LAMA2: variants seen among roughly 807,000 people sequenced by gnomAD.
The protein encoded by LAMA2 is laminin subunit alpha-2.
In LAMA2, 269 loss-of-function variants were observed where a neutral mutation model predicts 364.8. The observed-to-expected ratio is 0.74, with a 90% CI of 0.67 to 0.82. The LOEUF is 0.82. LAMA2 is among the 40% of genes least tolerant of loss of function. The pLI is 0.00. For missense variants in LAMA2, 3,807 were observed against 3,873.2 expected (o/e 0.98, Z 0.45); for synonymous variants, 1,379 against 1,370.6 (o/e 1.01, Z -0.14).
At chr6:129,064,477 G>A (rs1405924762) in intron 3 of LAMA2, among the ~76,000 whole-genome samples, 9 of 151,766 alleles carry the variant, frequency 5.9e-5, no homozygotes, top group African/African-American at 2.2e-4. Context: ...AGAGACTAGG[G>A]AAACAATGGA....
At chr6:129,102,373 G>C (rs975385967) in intron 4 of LAMA2, among the ~76,000 whole-genome samples, 1 of 151,904 alleles carries the variant, frequency 6.6e-6, no homozygotes, top group Admixed American at 6.5e-5. Flanking sequence ...TTGACCTCAT[G>C]ATCTGCCCAC....
rs117204407 is a variant in LAMA2, at chr6:129,395,853, G to A, written c.5445+2598G>A. 4.3e-3 allele frequency among the ~76,000 whole-genome samples: 657 copies of A among 152,292 alleles called. 4 individuals are homozygous for A. The highest frequency in any genetic ancestry group is 0.01 in the Middle Eastern group (3 of 294). ...TGGGAAAAACATATACAAAGGCATG[G>A]AGGAAAGAAAATGACATTTTGGGGG... On this transcript the variant is annotated intron_variant, in intron 37 of 64. Coordinates refer to ENST00000421865, the MANE Select transcript of LAMA2 (RefSeq NM_000426.4).
At chr6:129,315,266 G>C (rs1282163408) in intron 24 of LAMA2, among the ~76,000 whole-genome samples, 1 of 152,174 alleles carries the variant, frequency 6.6e-6, no homozygotes, top group Admixed American at 6.5e-5. Flanking sequence ...AGGCTCCAGT[G>C]TCCACAGATA....
intron 17 of LAMA2, among the ~76,000 whole-genome samples, chr6:129,273,258 A>G (rs541474528): frequency 6.6e-4 from 101 of 152,306 alleles, no homozygotes; most frequent in African/African-American, 2.4e-3. Flanking sequence ...CTTGTTTGCC[A>G]TGGCTGAATG....
intron 42 of LAMA2, among the ~76,000 whole-genome samples, chr6:129,440,365 T>C (rs1782045743): frequency 6.6e-6 from 1 of 152,048 alleles, no homozygotes; most frequent in East Asian, 1.9e-4. Flanking sequence ...AAAACAAGTA[T>C]AAATGCATGG....
chr6:129,147,668 C>T (rs1462593614), intron 6 of LAMA2, among the ~76,000 whole-genome samples: 1 of 151,910 alleles, frequency 6.6e-6, no homozygotes, highest in African/African-American at 2.4e-5. Context: ...CATAGACAAA[C>T]TGGTGAAATT....
chr6:129,438,894 A>G (rs544424229), intron 42 of LAMA2, 132 bp downstream of exon 42: 1 of 681,286 alleles, frequency 1.5e-6, no homozygotes, highest in Admixed American at 2.1e-5. Context: ...TTTCTTACTC[A>G]TGAATTCTTC....
At chr6:129,075,648 G>A (rs1438202151) in intron 3 of LAMA2, among the ~76,000 whole-genome samples, 1 of 152,104 alleles carries the variant, frequency 6.6e-6, no homozygotes, top group African/African-American at 2.4e-5. Flanking sequence ...AATTGATGGT[G>A]GAACAAATGT....
chr6:129,402,410 C>G lies in LAMA2; in HGVS notation c.5649C>G (p.Asp1883Glu). ...ATGACCTCTCCCAAGAAATAAAGGA[C>G]AGGAAGCTTGCTGAGAAGGTGTCCC... is the stretch of plus-strand genomic sequence containing the variant. ...KIDDLSQEIKDRKLAEKVSQA... is the reference protein window; with the variant it reads ...KIDDLSQEIKERKLAEKVSQA... The change falls in exon 39 of 65, where the codon GAC (aspartate) becomes GAG (glutamate). Residue 1883 changes from aspartate (D) to glutamate (E), a missense_variant. This residue lies in a region of LAMA2 where 3,333 missense variants were observed against 3,345.7 expected (regional missense o/e 1.00). Coordinates refer to ENST00000421865, the MANE Select transcript of LAMA2 (RefSeq NM_000426.4). The G allele has an allele frequency of 6.2e-7, 1 of 1,614,020 alleles. No homozygotes were observed. Among genetic ancestry groups the G allele is most frequent in the South Asian group, 1.1e-5 (1 of 91,074 alleles).
At chr6:129,269,364 C>CT (rs370461121) in intron 16 of LAMA2, among the ~76,000 whole-genome samples, 103,784 of 144,662 alleles carry the variant, frequency 0.72, 39,556 homozygotes, top group East Asian at 0.88. Flanking sequence ...AAGCTTCCAT[C>CT]TTTTTTTTTT....
chr6:129,117,900 T>C (rs1776568589), intron 4 of LAMA2, among the ~76,000 whole-genome samples: 1 of 152,208 alleles, frequency 6.6e-6, no homozygotes, highest in Admixed American at 6.5e-5. Flanking sequence ...GATGGTATAG[T>C]CTGCGTGCTC....
chr6:129,084,571 A>G (rs1285363826), intron 3 of LAMA2, among the ~76,000 whole-genome samples: 5 of 152,172 alleles, frequency 3.3e-5, no homozygotes, highest in Non-Finnish European at 4.4e-5. Context: ...CACTTCTATC[A>G]GTGATGATAT....
chr6:129,165,255 TTTTG>T (rs930918996), intron 8 of LAMA2, among the ~76,000 whole-genome samples: 5 of 151,936 alleles, frequency 3.3e-5, no homozygotes, highest in Admixed American at 6.6e-5. Context: ...CACAGTGTAG[TTTTG>T]TTTAAGTAAA....
chr6:129,034,589 T>C (rs1002936573), intron 1 of LAMA2, among the ~76,000 whole-genome samples: 12 of 152,108 alleles, frequency 7.9e-5, no homozygotes, highest in African/African-American at 2.7e-4. Flanking sequence ...GTGAACATTG[T>C]ATTCAGTCAG....
intron 4 of LAMA2, among the ~76,000 whole-genome samples, chr6:129,100,844 C>T (rs1431458966): frequency 1.3e-5 from 2 of 152,110 alleles, no homozygotes; most frequent in Non-Finnish European, 2.9e-5. Flanking sequence ...GATTAAATTT[C>T]TTTAATAGAT....
chr6:129,095,341 G>A (rs538616032), intron 3 of LAMA2, among the ~76,000 whole-genome samples: 21 of 152,244 alleles, frequency 1.4e-4, no homozygotes, highest in South Asian at 8.3e-4. Flanking sequence ...ACAAAATATA[G>A]TAATTATTGA....
At chr6:129,028,061 G>T (rs191045441) in intron 1 of LAMA2, among the ~76,000 whole-genome samples, 5 of 151,876 alleles carry the variant, frequency 3.3e-5, no homozygotes, top group Non-Finnish European at 7.4e-5. Context: ...TAGAAATGGG[G>T]ATTTAGAGTA....
chr6:129,392,213 G>T (rs1189402347), intron 36 of LAMA2, among the ~76,000 whole-genome samples: 1 of 152,170 alleles, frequency 6.6e-6, no homozygotes, highest in Non-Finnish European at 1.5e-5. Context: ...CCATGCTAAA[G>T]AACTTTTATG....
chr6:129,095,008 T>C (rs990680189), intron 3 of LAMA2, among the ~76,000 whole-genome samples: 14 of 152,352 alleles, frequency 9.2e-5, no homozygotes, highest in African/African-American at 3.4e-4. Flanking sequence ...AACCATAACG[T>C]GGAAGCACAT....
Sources: allele counts gnomAD v4.1 joint callset (sites outside exome capture counted in the v4.1 genomes callset), GRCh38; gene constraint gnomAD v4.1.1; regional missense constraint gnomAD v4.1.1; transcripts MANE v1.5; gene names NCBI Gene and HGNC (gene_info 2026-07-23, HGNC 2026-07-21).